MKNK2: variants seen among roughly 807,000 people sequenced by gnomAD.
MKNK2 encodes MAP kinase-interacting serine/threonine-protein kinase 2.
Under a neutral mutation model 55.0 loss-of-function variants are expected in MKNK2, and 54 were observed. The observed-to-expected ratio is 0.98, with a 90% CI of 0.79 to 1.23. The LOEUF (loss-of-function observed/expected upper bound fraction) is 1.23. Ranked by LOEUF, MKNK2 falls within the 50% of genes most tolerant of loss-of-function variation. The probability of loss-of-function intolerance (pLI) is 0.00; values close to 1 mark genes in which losing one functional copy is unlikely to be tolerated. For synonymous variants in MKNK2, 323 were observed against 256.0 expected (o/e 1.26, Z -2.50); for missense variants, 685 against 632.1 (o/e 1.08, Z -0.90).
In MKNK2 at chr19:2,042,636, C is replaced by T; in HGVS notation, c.625G>A (p.Glu209Lys). 1 of 1,564,230 alleles carries T rather than the reference C, an allele frequency of 6.4e-7. No homozygotes were observed. The highest frequency in any genetic ancestry group is 8.7e-7 in the Non-Finnish European group (1 of 1,153,872). ...TTGGGGTGCTCACAGAGGATGTTTT[C>T]CGGCTTTAGGTCCCTGTGGGCGATG... The part of the protein sequence containing the change: ...KGIAHRDLKP[E>K]NILCEHPNQV... The change falls in exon 9 of 14, where the codon GAA (glutamate) becomes AAA (lysine). Residue 209 changes from glutamate to lysine, a missense_variant. Coordinates refer to ENST00000250896, the MANE Select transcript of MKNK2 (RefSeq NM_199054.3).
chr19:2,044,851 C>T (rs74546775), intron 5 of MKNK2, among the ~76,000 whole-genome samples: 5,023 of 152,254 alleles, frequency 0.033, 218 homozygotes, highest in African/African-American at 0.1. Context: ...AGGGAGGGGG[C>T]GCAGCCCCTC....
chr19:2,042,009 G>C lies in MKNK2; in HGVS notation c.776C>G (p.Pro259Arg), dbSNP rs866943570. The part of the protein sequence containing the change: ...TPCGSAEYMA[P>R]EVVEAFSEEA... ...CTCGCTGAAGGCCTCCACTACCTCCGGGGCCATGTACTCCGCCGAGCCGCA... is the reference window on the plus strand; with the variant it reads ...CTCGCTGAAGGCCTCCACTACCTCCCGGGCCATGTACTCCGCCGAGCCGCA... Residue 259 changes from proline (P) to arginine (R), a missense_variant, in exon 11 of 14, where the codon CCG becomes CGG. Physicochemically the swap from Pro to Arg is moderately radical, Grantham distance 103. Transcript: ENST00000250896. 1.9e-6 allele frequency: 3 copies of C among 1,542,726 alleles called. No homozygotes were observed. The highest frequency in any genetic ancestry group is 2.6e-6 in the Non-Finnish European group (3 of 1,145,250).
At position 2,050,910 on chromosome 19, in the gene MKNK2, G is replaced by A. The variant is rs2017104239; in HGVS notation, c.-59C>T. 14 of 1,361,124 alleles carry A rather than the reference G, an allele frequency of 1.0e-5. No individual in the cohort carries two copies. The South Asian group carries it at 1.9e-4, about 19-fold the overall frequency. 84.3% of individuals were successfully genotyped at this position (1,361,124 alleles called of 1,614,324 possible). A position where few individuals can be genotyped will look rare whatever the true frequency, so the allele number is the denominator to read the frequency against. ...CCGAGGGCCCGGGGGGAGGCCCGAG[G>A]GCGGGCGGCCGGGCGGGGGGCGGCC... On this transcript the variant is annotated 5_prime_UTR_variant, in exon 2 of 14. Transcript: ENST00000250896.
intron 5 of MKNK2, 52 bp from the exon 6 acceptor site, chr19:2,043,634 G>T (rs764244365): frequency 2.0e-6 from 3 of 1,527,664 alleles, no homozygotes; most frequent in Admixed American, 1.7e-5. Flanking sequence ...GCTCATAGTC[G>T]AGAAGGGGCC....
chr19:2,042,202 G>A, intron 10 of MKNK2, 168 bp from the exon 11 acceptor site: 1 of 740,148 alleles, frequency 1.4e-6, no homozygotes, highest in Non-Finnish European at 2.1e-6. Flanking sequence ...CAGGTGCAGA[G>A]CTCGCCCCTC....
intron 2 of MKNK2, among the ~76,000 whole-genome samples, chr19:2,048,695 G>A (rs943668419): frequency 1.3e-5 from 2 of 152,114 alleles, no homozygotes; most frequent in Non-Finnish European, 2.9e-5. Context: ...CCAGAGGGCA[G>A]AGTCTGGGAG....
At chr19:2,041,797 G>GGAGGAGGGTGCCCAGGA (rs2016889464) in intron 11 of MKNK2, 43 bp downstream of exon 11, 1 of 1,458,088 alleles carries the variant, frequency 6.9e-7, no homozygotes, top group Admixed American at 2.4e-5. Flanking sequence ...CAGGCCCGGG[G>GGAGGAGGGTGCCCAGGA]GAGGAGGGTG....
At chr19:2,044,041 G>GCC (rs2016949462) in intron 5 of MKNK2, among the ~76,000 whole-genome samples, 1 of 139,608 alleles carries the variant, frequency 7.2e-6, no homozygotes, top group South Asian at 2.5e-4. Context: ...GACCCTGACA[G>GCC]CCCTCAGAGA....
intron 10 of MKNK2, 83 bp from the exon 11 acceptor site, chr19:2,042,117 G>T: frequency 7.6e-7 from 1 of 1,307,688 alleles, no homozygotes; most frequent in Non-Finnish European, 1.0e-6. Flanking sequence ...GGTCACCTGC[G>T]CCAGCCGGCT....
chr19:2,040,302 G>C (rs982872334), intron 12 of MKNK2, 125 bp from the exon 13 acceptor site: 3 of 830,552 alleles, frequency 3.6e-6, no homozygotes, highest in African/African-American at 1.7e-5. Flanking sequence ...GAGACCAGGA[G>C]TGCACCTGGG....
At chr19:2,042,178 C>CA in intron 10 of MKNK2, 144 bp from the exon 11 acceptor site, 1 of 826,242 alleles carries the variant, frequency 1.2e-6, no homozygotes. Context: ...GGGAACGCGC[C>CA]CCCGCCCAAT....
chr19:2,043,975 CAAAAAAAAA>C (rs34533507), intron 5 of MKNK2, among the ~76,000 whole-genome samples: 4 of 23,826 alleles, frequency 1.7e-4, no homozygotes, highest in Non-Finnish European at 3.3e-4. Flanking sequence ...GACTTCGCCT[CAAAAAAAAA>C]AAAAAAAAAA....
At chr19:2,043,406 G>T (rs1219125691) in intron 6 of MKNK2, 97 bp downstream of exon 6, 3 of 1,216,888 alleles carry the variant, frequency 2.5e-6, no homozygotes, top group African/African-American at 1.5e-5. Flanking sequence ...GAAACTGGGT[G>T]CCCTACAGAC....
chr19:2,042,222 G>A (rs1192711083), intron 10 of MKNK2, 188 bp from the exon 11 acceptor site: 4 of 714,650 alleles, frequency 5.6e-6, no homozygotes, highest in Non-Finnish European at 6.5e-6. Flanking sequence ...CCCCCGCCGC[G>A]GCCCCGCCCC....
Position 2,046,388 on chromosome 19 carries a change from T to C in MKNK2, c.220A>G (p.Ser74Gly). 1 of 1,608,530 alleles carries C rather than the reference T, an allele frequency of 6.2e-7. No homozygotes were observed. The highest frequency in any genetic ancestry group is 8.5e-7 in the Non-Finnish European group (1 of 1,179,802). ...KKKKRGRATD[S>G]FSGRFEDVYQ... ...TCACCTTCAAACCTGCCCGAGAAGC[T>C]GTCGGTGGCCCGGCCGCGCTTCTTC... The change falls in exon 4 of 14, where the codon AGC (serine) becomes GGC (glycine). Residue 74 changes from serine to glycine, a missense_variant. Coordinates refer to ENST00000250896, the MANE Select transcript of MKNK2 (RefSeq NM_199054.3).
chr19:2,042,362 C>G, intron 10 of MKNK2, 65 bp downstream of exon 10: 1 of 1,417,762 alleles, frequency 7.1e-7, no homozygotes, highest in Non-Finnish European at 9.7e-7. Flanking sequence ...ATGGCCCAGG[C>G]TCCGCGAGGT....
chr19:2,041,865 C>A lies in MKNK2; in HGVS notation c.920G>T (p.Arg307Leu). Residue 307 changes from arginine (R) to leucine (L), a missense_variant, in exon 11 of 14, where the codon CGC becomes CTC. Physicochemically the swap from Arg to Leu is moderately radical, Grantham distance 102 (BLOSUM62 -2). Transcript: ENST00000250896. ...CTGGCAGGCAGGGCAGGCCTCGCCG[C>A]GGTCCCAGCCGCAGTCGCTGCCACA... ...GRCGSDCGWD[R>L]GEACPACQNM... 1 of 1,536,938 alleles carries A rather than the reference C, an allele frequency of 6.5e-7. No individual in the cohort carries two copies. Among genetic ancestry groups the A allele is most frequent in the Non-Finnish European group, 8.8e-7 (1 of 1,141,074 alleles).
intron 8 of MKNK2, 23 bp downstream of exon 8, chr19:2,042,743 C>T (rs1291512415): frequency 6.4e-7 from 1 of 1,554,408 alleles, no homozygotes; most frequent in African/African-American, 1.4e-5. Flanking sequence ...CCCTAGGAGA[C>T]TCCGGGCGGG....
At position 2,038,758 on chromosome 19, in the gene MKNK2, T is replaced by C; in HGVS notation, c.*855A>G. The C allele has an allele frequency of 2.0e-6, 2 of 985,530 alleles. No individual in the cohort carries two copies. The highest frequency in any genetic ancestry group is 2.4e-6 in the Non-Finnish European group (2 of 829,920). 61.0% of individuals were successfully genotyped at this position (985,530 alleles called of 1,614,324 possible). On this transcript the variant is annotated 3_prime_UTR_variant, in exon 14 of 14. Transcript: ENST00000250896. ...GGGGGTGTCTTCAGGACCCCCCACA[T>C]TGGCTGACAGTGCCTGTCCAGCCCC...
Sources: allele counts gnomAD v4.1 joint callset (sites outside exome capture counted in the v4.1 genomes callset), GRCh38; gene constraint gnomAD v4.1.1; transcripts MANE v1.5; gene names NCBI Gene and HGNC (gene_info 2026-07-23, HGNC 2026-07-21).